ADK: variants seen among roughly 807,000 people sequenced by gnomAD.
ADK encodes adenosine kinase, also known as N6,N6-dimethyladenosine kinase.
Under a neutral mutation model 44.7 loss-of-function variants are expected in ADK, and 24 were observed. That is an observed-to-expected ratio of 0.54 (90% CI 0.39 to 0.76). ADK has a LOEUF of 0.76. Ranked by LOEUF, ADK falls within the 30% of genes least tolerant of loss-of-function variation. The pLI is 0.00. For missense variants in ADK, 321 were observed against 425.1 expected (o/e 0.76, Z 2.15); for synonymous variants, 128 against 142.6 (o/e 0.90, Z 0.73).
At chr10:74,241,921 G>T (rs912792285) in intron 3 of ADK, among the ~76,000 whole-genome samples, 2 of 152,218 alleles carry the variant, frequency 1.3e-5, no homozygotes, top group African/African-American at 2.4e-5. Flanking sequence ...CATACCTTTA[G>T]AAATTTCTGA....
chr10:74,661,111 A>G (rs1161356939), intron 9 of ADK, among the ~76,000 whole-genome samples: 4 of 152,160 alleles, frequency 2.6e-5, no homozygotes, highest in Non-Finnish European at 4.4e-5. Context: ...GAACCCAAGC[A>G]GTCTGACTTA....
intron 1 of ADK, among the ~76,000 whole-genome samples, chr10:74,155,619 TC>T (rs1841724422): frequency 6.6e-6 from 1 of 152,008 alleles, no homozygotes; most frequent in Non-Finnish European, 1.5e-5. Context: ...AAGCTCCGCT[TC>T]CCGGGTTCAT....
chr10:74,542,365 G>A (rs942555366), intron 7 of ADK, among the ~76,000 whole-genome samples: 1 of 152,148 alleles, frequency 6.6e-6, no homozygotes, highest in Admixed American at 6.5e-5. Flanking sequence ...GGAGCAATTT[G>A]TTACACAATA....
intron 8 of ADK, 141 bp downstream of exon 8, chr10:74,589,458 A>G (rs1851643613): frequency 3.5e-6 from 3 of 865,796 alleles, no homozygotes; most frequent in Non-Finnish European, 5.7e-6. Flanking sequence ...GGCAGTCGTC[A>G]TGGTTTCTTT....
chr10:74,504,586 G>A (rs1828091532), intron 6 of ADK, among the ~76,000 whole-genome samples: 1 of 151,984 alleles, frequency 6.6e-6, no homozygotes, highest in African/African-American at 2.4e-5. Flanking sequence ...AAATCATAAG[G>A]AAAATATATT....
At chr10:74,510,882 A>AT (rs1193953598) in intron 6 of ADK, among the ~76,000 whole-genome samples, 4 of 151,894 alleles carry the variant, frequency 2.6e-5, no homozygotes, top group Non-Finnish European at 5.9e-5. Context: ...TAATTTTTAT[A>AT]TTTTTTGTAG....
chr10:74,267,754 TTGTGTGTG>T (rs372502769), intron 3 of ADK, among the ~76,000 whole-genome samples: 52 of 132,842 alleles, frequency 3.9e-4, no homozygotes, highest in Middle Eastern at 7.8e-3. Flanking sequence ...ATATCCTTAT[TTGTGTGTG>T]TGTGTGTGTG....
chr10:74,603,664 G>T (rs1000906427), intron 9 of ADK, among the ~76,000 whole-genome samples: 5 of 152,090 alleles, frequency 3.3e-5, no homozygotes, highest in African/African-American at 1.2e-4. Flanking sequence ...TCATTGATGG[G>T]CATTTGGGTT....
At chr10:74,197,102 A>G (rs954813000) in intron 1 of ADK, among the ~76,000 whole-genome samples, 2 of 152,158 alleles carry the variant, frequency 1.3e-5, no homozygotes, top group Non-Finnish European at 2.9e-5. Context: ...TTCCTGGCTT[A>G]GGTTACATGC....
intron 4 of ADK, among the ~76,000 whole-genome samples, chr10:74,364,091 A>G (rs1300115141): frequency 2.0e-5 from 3 of 152,252 alleles, no homozygotes; most frequent in Admixed American, 6.5e-5. Flanking sequence ...TGTATTATAC[A>G]TAACCACACT....
chr10:74,317,302 TATAACACTGCTAA>T (rs1441148596), intron 4 of ADK, among the ~76,000 whole-genome samples: 2 of 152,204 alleles, frequency 1.3e-5, no homozygotes, highest in African/African-American at 4.8e-5. Context: ...ACAGCATGTA[TATAACACTGCTAA>T]AAAGGGGTAT....
At chr10:74,671,870 C>A (rs894295211) in intron 10 of ADK, among the ~76,000 whole-genome samples, 1 of 152,176 alleles carries the variant, frequency 6.6e-6, no homozygotes, top group African/African-American at 2.4e-5. Flanking sequence ...TAGCCACTAC[C>A]TCTGGCCTTG....
intron 7 of ADK, among the ~76,000 whole-genome samples, chr10:74,559,935 CTT>C (rs201999281): frequency 6.7e-6 from 1 of 149,734 alleles, no homozygotes; most frequent in South Asian, 2.1e-4. Context: ...TGTCCATTGA[CTT>C]TTTTTTTGAG....
At chr10:74,216,538 A>G (rs115418388) in intron 2 of ADK, among the ~76,000 whole-genome samples, 25,794 of 151,664 alleles carry the variant, frequency 0.17, 2,554 homozygotes, top group African/African-American at 0.28. Flanking sequence ...CAGCCTGGCC[A>G]ACGTGGTGAA....
intron 1 of ADK, among the ~76,000 whole-genome samples, chr10:74,163,191 C>T (rs185947989): frequency 9.1e-4 from 139 of 152,302 alleles, no homozygotes; most frequent in African/African-American, 3.2e-3. Flanking sequence ...TGTTCTCGAT[C>T]TCCTGACCTT....
At position 74,586,097 on chromosome 10, in the gene ADK, T is replaced by TG. The variant is rs1456546633; in HGVS notation, c.727-3184dup. 5.3e-5 allele frequency among the ~76,000 whole-genome samples: 8 copies of TG among 152,322 alleles called. No homozygotes were observed. The East Asian group carries it at 1.5e-3, about 29-fold the overall frequency. The stretch of plus-strand genomic sequence containing the variant: ...ACTGGGTCAAACTGTTCCCCCGTGT[T>TG]GTTTTGTTTGTTTTGCTGACAGGGA... On this transcript the variant is annotated intron_variant, in intron 7 of 10. Coordinates refer to ENST00000539909, the MANE Select transcript of ADK (RefSeq NM_006721.4).
At chr10:74,219,060 AG>A (rs1181521110) in intron 2 of ADK, among the ~76,000 whole-genome samples, 9 of 152,200 alleles carry the variant, frequency 5.9e-5, no homozygotes, top group Admixed American at 5.9e-4. Flanking sequence ...TCCAATTAAA[AG>A]ACACAGACTG....
intron 3 of ADK, among the ~76,000 whole-genome samples, chr10:74,285,500 A>G (rs1282430532): frequency 6.6e-6 from 1 of 152,218 alleles, no homozygotes; most frequent in East Asian, 1.9e-4. Flanking sequence ...ACATTAAACT[A>G]GGTTGTATTT....
At chr10:74,185,976 T>C (rs536607349) in intron 1 of ADK, among the ~76,000 whole-genome samples, 1 of 151,488 alleles carries the variant, frequency 6.6e-6, no homozygotes, top group African/African-American at 2.4e-5. Context: ...GCCCCCTGAG[T>C]AGCTGGGATT....
Sources: gnomAD v4.1 joint callset for allele counts (sites outside exome capture counted in the v4.1 genomes callset) on GRCh38, gnomAD v4.1.1 for gene constraint, MANE v1.5 for transcripts, NCBI Gene and HGNC (gene_info 2026-07-23, HGNC 2026-07-21) for gene names.